PITPNC1: variants seen among roughly 807,000 people sequenced by gnomAD.
The protein encoded by PITPNC1 is phosphatidylinositol transfer protein cytoplasmic 1.
In PITPNC1, 18 loss-of-function variants were observed where a neutral mutation model predicts 44.7. The observed-to-expected ratio is 0.40, with a 90% confidence interval of 0.28 to 0.60. The LOEUF is 0.60. Ranked by LOEUF, PITPNC1 falls within the 20% of genes least tolerant of loss-of-function variation. The probability of loss-of-function intolerance (pLI) is 0.39; values close to 1 mark genes in which losing one functional copy is unlikely to be tolerated. For synonymous variants in PITPNC1, 141 were observed against 149.6 expected, an observed-to-expected ratio of 0.94 and a Z score of 0.42; for missense variants, 290 against 418.4, an observed-to-expected ratio of 0.69 and a Z score of 2.68.
intron 1 of PITPNC1, among the ~76,000 whole-genome samples, chr17:67,473,549 C>T (rs569695310): frequency 4.6e-5 from 7 of 152,090 alleles, no homozygotes; most frequent in African/African-American, 1.4e-4. Context: ...GTGATCTGCA[C>T]GCCTCAGCCT....
At chr17:67,529,912 C>T (rs2040438318) in intron 1 of PITPNC1, among the ~76,000 whole-genome samples, 2 of 152,142 alleles carry the variant, frequency 1.3e-5, no homozygotes, top group South Asian at 2.1e-4. Context: ...CGCACCACTG[C>T]ACTCCAGTCT....
intron 2 of PITPNC1, among the ~76,000 whole-genome samples, chr17:67,546,233 A>G (rs2040681221): frequency 6.6e-6 from 1 of 151,784 alleles, no homozygotes; most frequent in African/African-American, 2.4e-5. Context: ...TAGAATATAT[A>G]CTTTTATATA....
chr17:67,379,689 A>T (rs2037928695), intron 1 of PITPNC1, among the ~76,000 whole-genome samples: 1 of 152,306 alleles, frequency 6.6e-6, no homozygotes. Flanking sequence ...GAGTCTTTCC[A>T]GAAAAGGTGG....
intron 5 of PITPNC1, among the ~76,000 whole-genome samples, chr17:67,603,632 A>G (rs541645457): frequency 6.6e-6 from 1 of 152,248 alleles, no homozygotes; most frequent in Admixed American, 6.5e-5. Flanking sequence ...TAAAAATGAA[A>G]TAAGACTGTA....
intron 1 of PITPNC1, among the ~76,000 whole-genome samples, chr17:67,474,310 C>T (rs557652676): frequency 7.2e-5 from 11 of 152,278 alleles, no homozygotes; most frequent in East Asian, 3.9e-4. Flanking sequence ...TTGTCTTCTC[C>T]GTCAAGATGT....
At chr17:67,437,962 G>A (rs2038959586) in intron 1 of PITPNC1, among the ~76,000 whole-genome samples, 1 of 152,034 alleles carries the variant, frequency 6.6e-6, no homozygotes, top group Non-Finnish European at 1.5e-5. Context: ...CCAGCTGCTG[G>A]GGAGGCCAAG....
chr17:67,429,873 G>A (rs1057099720), intron 1 of PITPNC1, among the ~76,000 whole-genome samples: 2 of 152,174 alleles, frequency 1.3e-5, no homozygotes, highest in African/African-American at 2.4e-5. Flanking sequence ...TACAATTTCA[G>A]TAGTTATGTG....
chr17:67,495,902 G>C (rs957644098), intron 1 of PITPNC1, among the ~76,000 whole-genome samples: 3 of 152,198 alleles, frequency 2.0e-5, no homozygotes, highest in African/African-American at 7.2e-5. Context: ...AGAGGGTTTT[G>C]TTTTTTAAGC....
intron 1 of PITPNC1, among the ~76,000 whole-genome samples, chr17:67,385,478 C>G (rs1237055383): frequency 1.4e-5 from 2 of 146,452 alleles, no homozygotes; most frequent in Admixed American, 1.4e-4. Context: ...GGCTGACCAC[C>G]CCTCCCCCCT....
intron 5 of PITPNC1, among the ~76,000 whole-genome samples, chr17:67,626,166 T>A (rs960789525): frequency 1.3e-5 from 2 of 151,926 alleles, no homozygotes; most frequent in African/African-American, 4.8e-5. Context: ...TTGTAATTTT[T>A]ATAGAGACAG....
chr17:67,540,628 C>T (rs1003325266), intron 2 of PITPNC1, among the ~76,000 whole-genome samples: 1 of 152,098 alleles, frequency 6.6e-6, no homozygotes, highest in South Asian at 2.1e-4. Context: ...TGAAATTCTC[C>T]ACAATTAAAC....
At chr17:67,580,369 A>G (rs1183111454) in intron 5 of PITPNC1, among the ~76,000 whole-genome samples, 1 of 152,124 alleles carries the variant, frequency 6.6e-6, no homozygotes, top group East Asian at 1.9e-4. Flanking sequence ...TTTATAAGAC[A>G]GGGTCTCGCT....
intron 1 of PITPNC1, among the ~76,000 whole-genome samples, chr17:67,452,516 GTT>G (rs576299890): frequency 1.4e-5 from 2 of 139,854 alleles, no homozygotes. Flanking sequence ...AATTGCTGGG[GTT>G]TTTTTTTTTT....
At chr17:67,556,677 G>C (rs2144179665) in intron 4 of PITPNC1, among the ~76,000 whole-genome samples, 1 of 152,252 alleles carries the variant, frequency 6.6e-6, no homozygotes, top group Non-Finnish European at 1.5e-5. Flanking sequence ...AATCTCTGCT[G>C]GCAGCTCAGC....
intron 1 of PITPNC1, among the ~76,000 whole-genome samples, chr17:67,490,161 TTTTAA>T (rs1483441153): frequency 7.2e-6 from 1 of 138,976 alleles, no homozygotes; most frequent in Non-Finnish European, 1.6e-5. Flanking sequence ...TGTGTGTGTG[TTTTAA>T]TTAACGAGGA....
At chr17:67,573,139 C>T (rs1301250692) in intron 4 of PITPNC1, among the ~76,000 whole-genome samples, 2 of 152,206 alleles carry the variant, frequency 1.3e-5, no homozygotes, top group Admixed American at 6.5e-5. Context: ...GGAGAACATT[C>T]GCGTTCATTC....
In PITPNC1 at chr17:67,480,682, C is replaced by A. The variant is rs199522195; in HGVS notation, c.49-52120C>A. ...GGCATAGGGAAAAGTCTAGAAGGAACTACCCCAAAATATTAATAGTGGTTA... is the reference window on the plus strand; with the variant it reads ...GGCATAGGGAAAAGTCTAGAAGGAAATACCCCAAAATATTAATAGTGGTTA... On this transcript the variant is annotated intron_variant, in intron 1 of 8. Coordinates refer to ENST00000581322, the MANE Select transcript of PITPNC1 (RefSeq NM_012417.4). Among the ~76,000 whole-genome samples, 66 of 152,138 alleles carry A rather than the reference C, an allele frequency of 4.3e-4. No homozygotes were observed. In the East Asian group the frequency reaches 5.4e-3, roughly 12 times the overall value.
At chr17:67,511,318 T>C (rs1362702198) in intron 1 of PITPNC1, among the ~76,000 whole-genome samples, 2 of 152,220 alleles carry the variant, frequency 1.3e-5, no homozygotes, top group Non-Finnish European at 2.9e-5. Flanking sequence ...CTTAAGCACA[T>C]AAATCTTTGC....
intron 5 of PITPNC1, among the ~76,000 whole-genome samples, chr17:67,600,357 G>A (rs894906376): frequency 6.6e-6 from 1 of 152,170 alleles, no homozygotes; most frequent in Non-Finnish European, 1.5e-5. Flanking sequence ...CAGTCAGAAT[G>A]TAAATCTACT....
Sources: allele counts gnomAD v4.1 joint callset (sites outside exome capture counted in the v4.1 genomes callset), GRCh38; gene constraint gnomAD v4.1.1; transcripts MANE v1.5; gene names NCBI Gene and HGNC (gene_info 2026-07-23, HGNC 2026-07-21).